Variants in SPIRE2 observed in about 807,000 individuals in gnomAD.
SPIRE2 encodes the protein spire type actin nucleation factor 2, also known as protein spire homolog 2.
SPIRE2 carries 76 observed loss-of-function variants against 80.7 expected under a neutral mutation model. The observed-to-expected ratio is 0.94, with a 90% CI of 0.78 to 1.14. The LOEUF (loss-of-function observed/expected upper bound fraction) is 1.14. SPIRE2 is among the 50% of genes most tolerant of loss of function. The pLI is 0.00. For missense variants in SPIRE2, 1,196 were observed against 1,015.3 expected, an observed-to-expected ratio of 1.18 and a Z score of -2.42; for synonymous variants, 535 against 432.6, an observed-to-expected ratio of 1.24 and a Z score of -2.94.
chr16:89,848,268 G>C (rs1225568510), intron 2 of SPIRE2, among the ~76,000 whole-genome samples: 1 of 152,246 alleles, frequency 6.6e-6, no homozygotes, highest in Non-Finnish European at 1.5e-5. Context: ...CACTGGTCGG[G>C]TGTGGCTGTT....
intron 9 of SPIRE2, among the ~76,000 whole-genome samples, chr16:89,860,412 C>A (rs1179965669): frequency 6.6e-6 from 1 of 152,134 alleles, no homozygotes; most frequent in Non-Finnish European, 1.5e-5. Context: ...ACATGTTTCA[C>A]GATGCCTGCC....
In SPIRE2 at chr16:89,850,347, G is replaced by C. The variant is rs1232625571; in HGVS notation, c.332G>C (p.Trp111Ser). Residue 111 changes from tryptophan (W) to serine (S), a missense_variant, in exon 3 of 15, where the codon TGG (tryptophan) becomes TCG (serine). By Grantham distance (177) the Trp-to-Ser change is radical. Coordinates refer to ENST00000378247, the MANE Select transcript of SPIRE2 (RefSeq NM_032451.2). ...TTCGCCATCTACCGCGCGCTGGACT[G>C]GGGGCTGGACGAGAGCGAGGAGCGC... ...LGFAIYRALD[W>S]GLDESEEREL... The C allele has an allele frequency of 3.1e-6, 5 of 1,600,398 alleles. No homozygotes were observed. The highest frequency in any genetic ancestry group is 3.4e-5 in the Admixed American group (2 of 58,634).
chr16:89,836,507 G>A (rs1055130418), intron 1 of SPIRE2: 4 of 290,042 alleles, frequency 1.4e-5, no homozygotes, highest in Admixed American at 8.1e-5. Context: ...GTGGATGGTA[G>A]GACGGTTCCC....
intron 1 of SPIRE2, chr16:89,836,324 AAC>A (rs1476892673): frequency 4.7e-5 from 21 of 449,472 alleles, no homozygotes; most frequent in Non-Finnish European, 9.4e-5. Context: ...CTGGGGTTAG[AAC>A]ACAGACAGCT....
chr16:89,839,470 T>A (rs2041482838), intron 1 of SPIRE2, among the ~76,000 whole-genome samples: 1 of 151,940 alleles, frequency 6.6e-6, no homozygotes, highest in African/African-American at 2.4e-5. Context: ...CGGCGCTGAT[T>A]TGAAAGTTGC....
In SPIRE2 at chr16:89,828,940, T is replaced by G; in HGVS notation, c.244+146T>G. 2.0e-6 allele frequency: 1 copy of G among 503,532 alleles called. No individual in the cohort carries two copies. Among genetic ancestry groups the G allele is most frequent in the Non-Finnish European group, 2.9e-6 (1 of 348,240 alleles). The allele number at this position is 503,532 out of a possible 1,614,324, so 31.2% of individuals were successfully genotyped here. ...TCTGCGGGACCCGGAGCTCCCTCCC[T>G]CCCACTCTCCGTCCCTCTTTCCCTC... On this transcript the variant is annotated intron_variant, in intron 1 of 14. Coordinates refer to ENST00000378247, the MANE Select transcript of SPIRE2 (RefSeq NM_032451.2). The surrounding 1 kb of genome is among the most constrained non-coding windows in gnomAD (Gnocchi z 5.9).
intron 3 of SPIRE2, among the ~76,000 whole-genome samples, chr16:89,852,955 A>ACCCCCCGGATCCCATGGCCCGTCTTCCG (rs1386171894): frequency 4.6e-5 from 1 of 21,760 alleles, no homozygotes; most frequent in African/African-American, 1.7e-4. Context: ...CCCGTCTTCC[A>ACCCCCCGGATCCCATGGCCCGTCTTCCG]TCCTCCCTCT....
chr16:89,836,845 G>C (rs1400194581), intron 1 of SPIRE2, among the ~76,000 whole-genome samples: 1 of 151,382 alleles, frequency 6.6e-6, no homozygotes, highest in Non-Finnish European at 1.5e-5. Flanking sequence ...AAAAAAGAAA[G>C]TTAGCTGGGC....
intron 7 of SPIRE2, among the ~76,000 whole-genome samples, chr16:89,856,441 TTA>T (rs137993394): frequency 3.3e-5 from 5 of 150,486 alleles, no homozygotes; most frequent in Non-Finnish European, 3.0e-5. Context: ...TAAATTAAAA[TTA>T]TATATATATA....
At chr16:89,829,471 C>G (rs961362343) in intron 1 of SPIRE2, among the ~76,000 whole-genome samples, 1 of 152,252 alleles carries the variant, frequency 6.6e-6, no homozygotes, top group East Asian at 1.9e-4. Context: ...GGAGTGCTGG[C>G]TTGGAGCATG....
chr16:89,868,307 C>A, intron 13 of SPIRE2, 91 bp downstream of exon 13: 1 of 1,266,092 alleles, frequency 7.9e-7, no homozygotes, highest in Non-Finnish European at 1.1e-6. Context: ...TGCTGCCTCA[C>A]CAGGCACCTC....
At position 89,854,618 on chromosome 16, in the gene SPIRE2, C is replaced by T; in HGVS notation, c.858C>T (p.Ile286=). The T allele has an allele frequency of 1.3e-6, 2 of 1,589,954 alleles. No individual in the cohort carries two copies. Among genetic ancestry groups the T allele is most frequent in the Non-Finnish European group, 1.7e-6 (2 of 1,165,372 alleles). Reference sequence around the variant, plus strand: ...CCTTCGAGATGCTGATGCAGGACATCCGGGCCCGGAACTACAAGCTGCGCA... The same window carrying T: ...CCTTCGAGATGCTGATGCAGGACATTCGGGCCCGGAACTACAAGCTGCGCA... The part of the protein sequence containing the change: ...LTPFEMLMQD[I]RARNYKLRKV... Residue 286 remains isoleucine, a synonymous_variant, in exon 5 of 15, where the codon ATC becomes ATT. Coordinates refer to ENST00000378247, the MANE Select transcript of SPIRE2 (RefSeq NM_032451.2).
chr16:89,858,505 G>C lies in SPIRE2; in HGVS notation c.1270G>C (p.Glu424Gln). The C allele has an allele frequency of 6.3e-7, 1 of 1,589,994 alleles. No individual in the cohort carries two copies. The highest frequency in any genetic ancestry group is 8.6e-7 in the Non-Finnish European group (1 of 1,169,058). Residue 424 changes from glutamate to glutamine, a missense_variant and splice_region_variant, in exon 8 of 15, where the codon GAG (glutamate) becomes CAG (glutamine). Coordinates refer to ENST00000378247, the MANE Select transcript of SPIRE2 (RefSeq NM_032451.2). ...LAEMEEMNTS[E>Q]EEESPCGEVT... ...TGAAATGGAAGAGATGAATACATCT[G>C]AGGTCAGAACCCATGGGGATTCCTG... is the stretch of plus-strand genomic sequence containing the variant.
rs146292833 is a variant in SPIRE2, at chr16:89,837,889, C to T, written c.245-7433C>T. On this transcript the variant is annotated intron_variant, in intron 1 of 14. Transcript: ENST00000378247. ...TGCAAGAGGAAGCTCACGGCTCAAC[C>T]ACATGGTTCCCTCTGACCCAAAGAG... Among the ~76,000 whole-genome samples the T allele has an allele frequency of 1.7e-4, 26 of 152,374 alleles. No homozygotes were observed. The East Asian group carries it at 4.8e-3, about 28-fold the overall frequency.
At chr16:89,842,876 G>A (rs2041517873) in intron 1 of SPIRE2, among the ~76,000 whole-genome samples, 1 of 152,246 alleles carries the variant, frequency 6.6e-6, no homozygotes, top group African/African-American at 2.4e-5. Flanking sequence ...CACTGATGCG[G>A]GGGTGGATTG....
intron 3 of SPIRE2, 75 bp downstream of exon 3, chr16:89,850,735 C>G: frequency 9.1e-7 from 1 of 1,096,720 alleles, no homozygotes; most frequent in Non-Finnish European, 1.2e-6. Context: ...AGGGGACTGG[C>G]AAGGACGTCT....
Position 89,854,552 on chromosome 16 carries a change from G to A in SPIRE2, c.792G>A (p.Glu264=), listed in dbSNP as rs760507195. ...GAGTGAAGCTGAAGAAGGTGCAAGA[G>A]CAGGAGTTCAACCCCCTCCCCACCG... ...RRGVKLKKVQ[E]QEFNPLPTEF... Residue 264 remains glutamate (E), a synonymous_variant, in exon 5 of 15, where the codon GAG becomes GAA. Coordinates refer to ENST00000378247, the MANE Select transcript of SPIRE2 (RefSeq NM_032451.2). The A allele has an allele frequency of 2.2e-5, 36 of 1,612,670 alleles. No homozygotes were observed. The highest frequency in any genetic ancestry group is 2.7e-5 in the Non-Finnish European group (32 of 1,179,964).
chr16:89,839,408 G>T (rs918547429), intron 1 of SPIRE2, among the ~76,000 whole-genome samples: 1 of 151,958 alleles, frequency 6.6e-6, no homozygotes, highest in Non-Finnish European at 1.5e-5. Flanking sequence ...GATGTCATGG[G>T]TGTGTGGCCG....
At position 89,856,097 on chromosome 16, in the gene SPIRE2, C is replaced by A; in HGVS notation, c.979-16C>A. ...GGTCCTGCTTCCCCACCGCAGGTCTCGCTTCCCCACCGCAGGTCTCTGAGA... is the reference window on the plus strand; with the variant it reads ...GGTCCTGCTTCCCCACCGCAGGTCTAGCTTCCCCACCGCAGGTCTCTGAGA... On this transcript the variant is annotated splice_polypyrimidine_tract_variant and intron_variant, in intron 6 of 14. Transcript: ENST00000378247. 3 of 1,610,010 alleles carry A rather than the reference C, an allele frequency of 1.9e-6. No homozygotes were observed. In the African/African-American group the frequency reaches 4.0e-5, roughly 21 times the overall value.
Sources: allele counts gnomAD v4.1 joint callset (sites outside exome capture counted in the v4.1 genomes callset), GRCh38; gene constraint gnomAD v4.1.1; non-coding constraint Gnocchi (gnomAD v3.1); transcripts MANE v1.5; gene names NCBI Gene and HGNC (gene_info 2026-07-23, HGNC 2026-07-21).